The following SMIM31 variants were observed in gnomAD, a reference collection of about 807,000 sequenced individuals.
SMIM31 encodes human epithelial cell program regulator.
intron 2 of SMIM31, among the ~76,000 whole-genome samples, chr4:164,776,655 C>A (rs1003837783): frequency 6.6e-6 from 1 of 152,294 alleles, no homozygotes; most frequent in South Asian, 2.1e-4. Flanking sequence ...ATGTAAGCTC[C>A]ATAATGCAGA....
At chr4:164,799,306 G>C (rs1477347870) in intron 2 of SMIM31, among the ~76,000 whole-genome samples, 1 of 151,890 alleles carries the variant, frequency 6.6e-6, no homozygotes, top group African/African-American at 2.4e-5. Context: ...GATCGCTTGA[G>C]TCCAGGAGTT....
intron 2 of SMIM31, among the ~76,000 whole-genome samples, chr4:164,788,049 A>G (rs757176300): frequency 5.3e-5 from 8 of 152,170 alleles, no homozygotes; most frequent in Non-Finnish European, 1.2e-4. Flanking sequence ...GTTTTACACA[A>G]TATATATTAG....
chr4:164,795,136 T>A (rs1045677511), intron 2 of SMIM31, among the ~76,000 whole-genome samples: 5 of 152,180 alleles, frequency 3.3e-5, no homozygotes, highest in African/African-American at 1.2e-4. Flanking sequence ...GAAGGCAACA[T>A]TGTATCATGA....
chr4:164,773,991 C>A (rs990141680), intron 2 of SMIM31, among the ~76,000 whole-genome samples: 49 of 151,964 alleles, frequency 3.2e-4, no homozygotes, highest in Non-Finnish European at 2.9e-4. Context: ...ATGGTGAAAC[C>A]CCGTCTCTAC....
chr4:164,768,241 A>AG (rs1225011578), intron 1 of SMIM31, among the ~76,000 whole-genome samples: 3 of 45,138 alleles, frequency 6.6e-5, no homozygotes, highest in African/African-American at 1.5e-4. Flanking sequence ...GTCACAAAAA[A>AG]AAAAAAAGAA....
Position 164,775,202 on chromosome 4 carries a change from A to C in SMIM31, c.112+4647A>C, listed in dbSNP as rs568660024. 3.3e-5 allele frequency among the ~76,000 whole-genome samples: 5 copies of C among 152,314 alleles called. No homozygotes were observed. The East Asian group carries it at 9.6e-4, about 29-fold the overall frequency. ...GAAAAGAACTACCTTTCCCCTTATGACATAGATAAGACTCACTGTCCACTC... is the reference window on the plus strand; with the variant it reads ...GAAAAGAACTACCTTTCCCCTTATGCCATAGATAAGACTCACTGTCCACTC... On this transcript the variant is annotated intron_variant, in intron 2 of 2. Transcript: ENST00000507311.
rs1315872099 is a variant in SMIM31, at chr4:164,802,068, C to T, written c.*874C>T. On this transcript the variant is annotated 3_prime_UTR_variant, in exon 3 of 3. Transcript: ENST00000507311. The stretch of plus-strand genomic sequence containing the variant: ...CTAACACAGTGAAACCCCGTCTCTA[C>T]TAAAAATACAAAAAATTAGCCGAGC... The T allele has an allele frequency of 3.3e-5, 5 of 152,220 alleles. No individual in the cohort carries two copies. Among genetic ancestry groups the T allele is most frequent in the Middle Eastern group, 3.4e-3 (1 of 296 alleles). 9.4% of individuals were successfully genotyped at this position (152,220 alleles called of 1,614,324 possible).
chr4:164,767,292 G>A (rs1285410271), intron 1 of SMIM31, among the ~76,000 whole-genome samples: 1 of 152,098 alleles, frequency 6.6e-6, no homozygotes, highest in Admixed American at 6.5e-5. Context: ...AAGAAATAAT[G>A]ACATATCAAG....
chr4:164,780,351 C>T (rs566020251), intron 2 of SMIM31, among the ~76,000 whole-genome samples: 15 of 152,264 alleles, frequency 9.9e-5, no homozygotes, highest in African/African-American at 3.4e-4. Flanking sequence ...TGCTTGAACT[C>T]GGGAGGTGGA....
intron 2 of SMIM31, among the ~76,000 whole-genome samples, chr4:164,799,295 G>C (rs1253365865): frequency 2.0e-5 from 3 of 151,948 alleles, no homozygotes; most frequent in African/African-American, 7.3e-5. Context: ...TGAGGTGGGA[G>C]GATCGCTTGA....
chr4:164,768,189 T>C (rs1260255187), intron 1 of SMIM31, among the ~76,000 whole-genome samples: 4 of 150,280 alleles, frequency 2.7e-5, no homozygotes, highest in Non-Finnish European at 5.9e-5. Flanking sequence ...TGAACTGTTA[T>C]CATGCCATTG....
chr4:164,765,869 T>C (rs985642282), intron 1 of SMIM31, among the ~76,000 whole-genome samples: 4 of 152,206 alleles, frequency 2.6e-5, no homozygotes, highest in Non-Finnish European at 1.5e-5. Flanking sequence ...CCTTTATTTT[T>C]ACTCTGGCAG....
chr4:164,765,041 T>C lies in SMIM31; in HGVS notation c.-25-5378T>C, dbSNP rs1190875043. On this transcript the variant is annotated intron_variant, in intron 1 of 2. Transcript: ENST00000507311. ...GGGAAAATTCAATCATTGTATGGTG[T>C]CTGGACAAGGTGATTTTTGATTTTC... Among the ~76,000 whole-genome samples the C allele has an allele frequency of 2.6e-5, 4 of 152,232 alleles. No individual in the cohort carries two copies. The East Asian group carries it at 7.7e-4, about 29-fold the overall frequency.
At chr4:164,769,100 C>T (rs899435919) in intron 1 of SMIM31, among the ~76,000 whole-genome samples, 4 of 152,108 alleles carry the variant, frequency 2.6e-5, no homozygotes, top group Non-Finnish European at 5.9e-5. Context: ...TCCTTCTGCC[C>T]TTCCATCAAA....
chr4:164,796,444 C>T (rs549283840), intron 2 of SMIM31, among the ~76,000 whole-genome samples: 1 of 152,170 alleles, frequency 6.6e-6, no homozygotes. Flanking sequence ...TCCACCTCCT[C>T]TCTATCGGTA....
intron 2 of SMIM31, among the ~76,000 whole-genome samples, chr4:164,779,599 C>T (rs1474610480): frequency 6.6e-6 from 1 of 152,062 alleles, no homozygotes; most frequent in Non-Finnish European, 1.5e-5. Context: ...CTTTATAAAC[C>T]AAATTGTCCA....
At chr4:164,775,990 C>A (rs1346546153) in intron 2 of SMIM31, among the ~76,000 whole-genome samples, 1 of 152,170 alleles carries the variant, frequency 6.6e-6, no homozygotes, top group African/African-American at 2.4e-5. Flanking sequence ...ACCTAAACTA[C>A]ATGTCAATCT....
intron 2 of SMIM31, among the ~76,000 whole-genome samples, chr4:164,776,893 T>C (rs78075222): frequency 0.018 from 2,787 of 152,320 alleles, 92 homozygotes; most frequent in African/African-American, 0.063. Context: ...GCTTTATCTA[T>C]ATTAATAATT....
At chr4:164,783,688 G>A (rs1395311868) in intron 2 of SMIM31, among the ~76,000 whole-genome samples, 1 of 151,994 alleles carries the variant, frequency 6.6e-6, no homozygotes, top group Non-Finnish European at 1.5e-5. Context: ...AGGCTAAGGT[G>A]GGAGGATTAC....
Sources: allele counts gnomAD v4.1 joint callset (sites outside exome capture counted in the v4.1 genomes callset), GRCh38; gene constraint gnomAD v4.1.1; transcripts MANE v1.5; gene names NCBI Gene and HGNC (gene_info 2026-07-23, HGNC 2026-07-21).